Variants in ZNF44 observed in about 807,000 individuals in gnomAD.
ZNF44 encodes the protein gonadotropin inducible transcription repressor-2.
A neutral mutation model predicts 11.7 loss-of-function variants in ZNF44; 9 were observed. That is an observed-to-expected ratio of 0.77 (90% CI 0.46 to 1.35). ZNF44 has a LOEUF of 1.35. ZNF44 is among the 40% of genes most tolerant of loss of function. The pLI, the probability that ZNF44 is intolerant of heterozygous loss-of-function variation, is 0.00. For synonymous variants in ZNF44, 224 were observed against 242.7 expected (o/e 0.92, Z 0.72); for missense variants, 696 against 743.1 (o/e 0.94, Z 0.74).
chr19:12,244,447 A>G (rs1030583300), downstream of ZNF44: 2 of 152,316 alleles, frequency 1.3e-5, no homozygotes, highest in Non-Finnish European at 2.9e-5. Context: ...TTGGTCAACA[A>G]TTTAACTGAG....
At chr19:12,292,867 T>TG (rs59317931) in intron 1 of ZNF44, among the ~76,000 whole-genome samples, 20,649 of 131,708 alleles carry the variant, frequency 0.16, 1,637 homozygotes, top group African/African-American at 0.24. Flanking sequence ...TTTTTTTTTT[T>TG]TTTTTTTTTT....
At position 12,226,286 on chromosome 19, in the gene ZNF44, TA is replaced by T. The variant is rs1168792399; in HGVS notation, n.677del. The T allele has an allele frequency of 3.9e-5, 6 of 152,312 alleles. No individual in the cohort carries two copies. The East Asian group carries it at 1.2e-3, about 29-fold the overall frequency. The allele number at this position is 152,312 out of a possible 1,614,324, so 9.4% of individuals were successfully genotyped here. A position where few individuals can be genotyped will look rare whatever the true frequency, so the allele number is the denominator to read the frequency against. Reference sequence around the variant, plus strand: ...CCATAGATTTGTACCACTGAATACCTATGAGTTGGGAGAAATCCTCTCTTCT... The same window carrying T: ...CCATAGATTTGTACCACTGAATACCTTGAGTTGGGAGAAATCCTCTCTTCT... On this transcript the variant is annotated non_coding_transcript_exon_variant, in exon 4 of 4. Coordinates refer to the ZNF44 transcript ENST00000597563.
At position 12,272,583 on chromosome 19, in the gene ZNF44, T is replaced by C. The variant is rs958112744; in HGVS notation, c.1672A>G (p.Arg558Gly). The C allele has an allele frequency of 1.1e-5, 17 of 1,613,388 alleles. 1 individual carries two copies. In the East Asian group the frequency reaches 3.6e-4, roughly 34 times the overall value. Reference sequence around the variant, plus strand: ...CCACAGTGTTTACATTCATAGGGTCTTTCTCCAGTGTGAGTCCTTTCATGT... The same window carrying C: ...CCACAGTGTTTACATTCATAGGGTCCTTCTCCAGTGTGAGTCCTTTCATGT... ...LRHERTHTGERPYECKHCGKA... is the reference protein window; with the variant it reads ...LRHERTHTGEGPYECKHCGKA... Residue 558 changes from arginine (R) to glycine (G), a missense_variant, in exon 4 of 4, where the codon AGA becomes GGA. By Grantham distance (125) the Arg-to-Gly change is moderately radical. Coordinates refer to ENST00000355684, the MANE Select transcript of ZNF44 (RefSeq NM_016264.4).
chr19:12,229,330 A>C (rs921810238), intron 3 of ZNF44, among the ~76,000 whole-genome samples: 1 of 152,226 alleles, frequency 6.6e-6, no homozygotes, highest in African/African-American at 2.4e-5. Flanking sequence ...TTTGAGAGGT[A>C]CTTATTCACC....
intron 5 of ZNF44, chr19:12,250,438 C>A: frequency 8.3e-7 from 1 of 1,202,670 alleles, no homozygotes; most frequent in South Asian, 1.4e-5. Context: ...ATACTCGAGT[C>A]ATAAGATGTT....
At chr19:12,284,884 G>A (rs546534985) in intron 1 of ZNF44, 35 of 747,920 alleles carry the variant, frequency 4.7e-5, no homozygotes, top group African/African-American at 2.9e-4. Context: ...GTGCTGGTGC[G>A]CCTCATCCCC....
intron 5 of ZNF44, chr19:12,266,393 C>A: frequency 1.0e-6 from 1 of 960,352 alleles, no homozygotes; most frequent in Non-Finnish European, 1.2e-6. Context: ...AAGCCGAGAG[C>A]GACCCGAGGG....
chr19:12,255,091 AACACACACACACACACAC>A (rs140940065), intron 5 of ZNF44, among the ~76,000 whole-genome samples: 3 of 145,638 alleles, frequency 2.1e-5, no homozygotes, highest in South Asian at 2.2e-4. Context: ...TCCGTCTCAA[AACACACACACACACACAC>A]ACACACACAC....
At position 12,284,757 on chromosome 19, in the gene ZNF44, C is replaced by T. The variant is rs1428545942; in HGVS notation, c.4-8675G>A. The T allele has an allele frequency of 1.4e-5, 12 of 834,982 alleles. No homozygotes were observed. The African/African-American group carries it at 1.7e-4, about 12-fold the overall frequency. 51.7% of individuals were successfully genotyped at this position (834,982 alleles called of 1,614,324 possible). On this transcript the variant is annotated intron_variant, in intron 1 of 3. Transcript: ENST00000355684. ...CTCCAAGGAGGCAGCCACTGCCATCCGCGGGGCCATCATCCTGGCCAAGCT... is the reference window on the plus strand; with the variant it reads ...CTCCAAGGAGGCAGCCACTGCCATCTGCGGGGCCATCATCCTGGCCAAGCT...
chr19:12,278,601 G>A lies in ZNF44; in HGVS notation c.4-2519C>T, dbSNP rs562499558. Among the ~76,000 whole-genome samples, 32 of 152,024 alleles carry A rather than the reference G, an allele frequency of 2.1e-4. 1 individual carries two copies. The South Asian group carries it at 4.6e-3, about 22-fold the overall frequency. On this transcript the variant is annotated intron_variant, in intron 1 of 3. Transcript: ENST00000355684. Reference sequence around the variant, plus strand: ...AACAAAATTAGGTGGGTATGGTGGCGCATGCCTGTAGTCCCAGCTACTCAG... The same window carrying A: ...AACAAAATTAGGTGGGTATGGTGGCACATGCCTGTAGTCCCAGCTACTCAG...
At chr19:12,224,816 G>A (rs1237001180), downstream of ZNF44, 1 of 151,960 alleles carries the variant, frequency 6.6e-6, no homozygotes, top group East Asian at 1.9e-4. Context: ...TTACAAGCTT[G>A]GAATGTTTCT....
chr19:12,231,858 C>T (rs1474991671), intron 2 of ZNF44, among the ~76,000 whole-genome samples: 2 of 152,224 alleles, frequency 1.3e-5, no homozygotes, highest in Admixed American at 1.3e-4. Context: ...TGCCCCTCCA[C>T]ACCTGTGGGT....
At chr19:12,249,988 TC>T in exon 7 of ZNF44, 1 of 1,286,376 alleles carries the variant, frequency 7.8e-7, no homozygotes, top group Non-Finnish European at 1.0e-6. Flanking sequence ...CTGAGATTTC[TC>T]CCCTGGTTTT....
At chr19:12,248,218 C>A (rs1306906933) in exon 8 of ZNF44, 7 of 1,305,770 alleles carry the variant, frequency 5.4e-6, no homozygotes, top group Admixed American at 4.5e-5. Context: ...CCAGTATGAG[C>A]CTTTTCATGT....
chr19:12,280,992 T>C (rs1045154498), intron 1 of ZNF44, among the ~76,000 whole-genome samples: 6 of 152,162 alleles, frequency 3.9e-5, no homozygotes, highest in Non-Finnish European at 8.8e-5. Flanking sequence ...AAATCTAGGA[T>C]TATAGTTGAG....
At chr19:12,266,344 G>A (rs1917725705) in intron 5 of ZNF44, 2 of 984,842 alleles carry the variant, frequency 2.0e-6, no homozygotes, top group African/African-American at 1.7e-5. Flanking sequence ...GGCAAATCGC[G>A]ACACACCCTG....
chr19:12,267,036 CTTTT>C (rs958864582), downstream of ZNF44, among the ~76,000 whole-genome samples: 2 of 147,656 alleles, frequency 1.4e-5, no homozygotes, highest in South Asian at 2.2e-4. Context: ...CTCATTTTTT[CTTTT>C]TTCTTTTTTT....
intron 1 of ZNF44, chr19:12,291,094 A>T (rs537005114): frequency 3.1e-6 from 1 of 324,618 alleles, no homozygotes; most frequent in South Asian, 2.5e-5. Context: ...TCAGATAATA[A>T]ACATCAGTTA....
In ZNF44 at chr19:12,272,271, G is replaced by C. The variant is rs1035634835; in HGVS notation, c.*136C>G. On this transcript the variant is annotated 3_prime_UTR_variant, in exon 4 of 4. Transcript: ENST00000355684. ...GCCCTCCTCGGCCTCTCAAAGTGCT[G>C]GGATTACAGGTGTGAGCCGCTGCGC... The C allele has an allele frequency of 2.4e-5, 32 of 1,320,186 alleles. No individual in the cohort carries two copies. Among genetic ancestry groups the C allele is most frequent in the Non-Finnish European group, 3.0e-5 (31 of 1,037,536 alleles). 81.8% of individuals were successfully genotyped at this position (1,320,186 alleles called of 1,614,324 possible).
Sources: gnomAD v4.1 joint callset for allele counts (sites outside exome capture counted in the v4.1 genomes callset) on GRCh38, gnomAD v4.1.1 for gene constraint, MANE v1.5 for transcripts, NCBI Gene and HGNC (gene_info 2026-07-23, HGNC 2026-07-21) for gene names.